SPIDR: variants seen among roughly 807,000 people sequenced by gnomAD.
SPIDR encodes the protein scaffold protein involved in DNA repair, also known as DNA repair-scaffolding protein.
In SPIDR, 93 loss-of-function variants were observed where a neutral mutation model predicts 104.6. The ratio of observed to expected loss-of-function variants is 0.89; its 90% CI spans 0.75 to 1.06. The LOEUF (loss-of-function observed/expected upper bound fraction) is 1.06. SPIDR is among the 50% of genes least tolerant of loss of function. The pLI is 0.00. For synonymous variants in SPIDR, 431 were observed against 416.9 expected, an observed-to-expected ratio of 1.03 and a Z score of -0.41; for missense variants, 1,154 against 1,111.2, an observed-to-expected ratio of 1.04 and a Z score of -0.55.
intron 8 of SPIDR, among the ~76,000 whole-genome samples, chr8:47,466,915 A>G (rs1446122436): frequency 6.9e-5 from 7 of 101,174 alleles, no homozygotes; most frequent in Non-Finnish European, 1.4e-4. Flanking sequence ...ATATATATAT[A>G]GATAGATAGA....
chr8:47,431,520 T>G (rs2067362045), intron 7 of SPIDR, among the ~76,000 whole-genome samples: 1 of 152,224 alleles, frequency 6.6e-6, no homozygotes, highest in South Asian at 2.1e-4. Flanking sequence ...TCCTACGGAA[T>G]GAGTCACAGC....
chr8:47,311,360 G>A (rs1356327493), intron 5 of SPIDR, among the ~76,000 whole-genome samples: 1 of 152,116 alleles, frequency 6.6e-6, no homozygotes, highest in Non-Finnish European at 1.5e-5. Context: ...ATAGAGGCCA[G>A]GGGAAATTGG....
At chr8:47,522,415 A>C (rs143758631) in intron 8 of SPIDR, among the ~76,000 whole-genome samples, 1 of 152,254 alleles carries the variant, frequency 6.6e-6, no homozygotes, top group Non-Finnish European at 1.5e-5. Context: ...CTGTTTTAAA[A>C]TTCATTTATT....
intron 10 of SPIDR, among the ~76,000 whole-genome samples, chr8:47,635,536 G>A (rs1437050148): frequency 6.6e-6 from 1 of 152,004 alleles, no homozygotes; most frequent in East Asian, 1.9e-4. Context: ...AATAAACTGT[G>A]GAAGAACTAT....
chr8:47,420,789 A>G (rs1388765187), intron 7 of SPIDR, among the ~76,000 whole-genome samples: 1 of 152,058 alleles, frequency 6.6e-6, no homozygotes, highest in African/African-American at 2.4e-5. Context: ...TTCCTTCAGG[A>G]GCTCTTTTAG....
chr8:47,488,441 C>T (rs782777948), intron 8 of SPIDR, among the ~76,000 whole-genome samples: 2 of 152,202 alleles, frequency 1.3e-5, no homozygotes, highest in African/African-American at 2.4e-5. Context: ...GAGCTGGTAC[C>T]ATTCCTTCTG....
intron 5 of SPIDR, among the ~76,000 whole-genome samples, chr8:47,358,985 GT>G (rs1554627916): frequency 6.6e-6 from 1 of 151,858 alleles, no homozygotes; most frequent in Non-Finnish European, 1.5e-5. Flanking sequence ...TGTACAGTTT[GT>G]TTTCATGTTA....
At chr8:47,548,365 T>A (rs1292647438) in intron 8 of SPIDR, among the ~76,000 whole-genome samples, 1 of 152,194 alleles carries the variant, frequency 6.6e-6, no homozygotes, top group Non-Finnish European at 1.5e-5. Context: ...AAGTAAAAAT[T>A]GGCTGAATGT....
chr8:47,481,107 A>G (rs1367648029), intron 8 of SPIDR, among the ~76,000 whole-genome samples: 1 of 152,208 alleles, frequency 6.6e-6, no homozygotes, highest in South Asian at 2.1e-4. Flanking sequence ...CTCTAATGCT[A>G]TCTTTGTGAT....
intron 11 of SPIDR, among the ~76,000 whole-genome samples, chr8:47,696,467 A>G (rs1220392220): frequency 2.6e-5 from 4 of 152,202 alleles, no homozygotes; most frequent in Non-Finnish European, 5.9e-5. Flanking sequence ...AAATTTGGAA[A>G]TGTTTTTAAA....
intron 7 of SPIDR, among the ~76,000 whole-genome samples, chr8:47,423,834 A>G (rs1342356412): frequency 6.6e-6 from 1 of 152,286 alleles, no homozygotes. Flanking sequence ...GGCAAGGGGA[A>G]AATACGTTCT....
At chr8:47,637,434 G>C (rs1371928860) in intron 10 of SPIDR, among the ~76,000 whole-genome samples, 1 of 152,150 alleles carries the variant, frequency 6.6e-6, no homozygotes, top group African/African-American at 2.4e-5. Context: ...GCTGGGCATG[G>C]TGGCACGCAC....
chr8:47,639,499 T>C (rs191081834), intron 10 of SPIDR, among the ~76,000 whole-genome samples: 3 of 152,366 alleles, frequency 2.0e-5, no homozygotes, highest in Non-Finnish European at 2.9e-5. Context: ...CTTTTAGTTG[T>C]AGTTGTTGAT....
intron 5 of SPIDR, among the ~76,000 whole-genome samples, chr8:47,348,109 T>C (rs2052556459): frequency 6.6e-6 from 1 of 152,232 alleles, no homozygotes; most frequent in Non-Finnish European, 1.5e-5. Context: ...TCATGTTTAG[T>C]GCTTCCTTCA....
At chr8:47,336,273 C>G (rs1420846650) in intron 5 of SPIDR, among the ~76,000 whole-genome samples, 3 of 152,174 alleles carry the variant, frequency 2.0e-5, no homozygotes, top group South Asian at 2.1e-4. Flanking sequence ...TACTGTTGCT[C>G]TGAAATTGAT....
intron 10 of SPIDR, among the ~76,000 whole-genome samples, chr8:47,671,457 C>G (rs1288078084): frequency 2.0e-5 from 3 of 151,830 alleles, no homozygotes; most frequent in Non-Finnish European, 1.5e-5. Context: ...TGGCAGTGGG[C>G]TCCTGTAATC....
chr8:47,490,005 G>A (rs186327056), intron 8 of SPIDR, among the ~76,000 whole-genome samples: 2,773 of 152,160 alleles, frequency 0.018, 86 homozygotes, highest in African/African-American at 0.064. Flanking sequence ...GACAAATGGG[G>A]TCTAATTAAA....
chr8:47,310,731 A>T (rs2043991080), intron 5 of SPIDR, among the ~76,000 whole-genome samples: 1 of 152,218 alleles, frequency 6.6e-6, no homozygotes. Context: ...TTTCATAAAG[A>T]AGGGTGTCCC....
At chr8:47,673,544 T>C in intron 10 of SPIDR, 1 of 554,634 alleles carries the variant, frequency 1.8e-6, no homozygotes, top group Non-Finnish European at 3.4e-6. Flanking sequence ...TGGATGGTGG[T>C]TCAAACACCT....
Sources: gnomAD v4.1 joint callset for allele counts (sites outside exome capture counted in the v4.1 genomes callset) on GRCh38, gnomAD v4.1.1 for gene constraint, MANE v1.5 for transcripts, NCBI Gene and HGNC (gene_info 2026-07-23, HGNC 2026-07-21) for gene names.